The following TMEM232 variants were observed in gnomAD, a reference collection of about 807,000 sequenced individuals.
TMEM232 encodes the protein transmembrane protein 232.
TMEM232 carries 80 observed loss-of-function variants against 78.8 expected under a neutral mutation model. The observed-to-expected ratio is 1.01, with a 90% CI of 0.85 to 1.22. The LOEUF is 1.22. Ranked by LOEUF, TMEM232 falls within the 50% of genes most tolerant of loss-of-function variation. The pLI is 0.00. For synonymous variants in TMEM232, 297 were observed against 254.3 expected, an observed-to-expected ratio of 1.17 and a Z score of -1.60; for missense variants, 881 against 742.2, an observed-to-expected ratio of 1.19 and a Z score of -2.17.
chr5:110,704,622 C>A (rs1236709190), intron 1 of TMEM232, among the ~76,000 whole-genome samples: 1 of 151,938 alleles, frequency 6.6e-6, no homozygotes, highest in East Asian at 1.9e-4. Flanking sequence ...GGAAGTAGGG[C>A]AAACCTTTAT....
chr5:110,445,269 CA>C (rs1227498671), intron 12 of TMEM232, among the ~76,000 whole-genome samples: 2 of 151,724 alleles, frequency 1.3e-5, no homozygotes, highest in African/African-American at 4.8e-5. Flanking sequence ...AATATTTTAA[CA>C]GCTTTGTTGA....
At chr5:110,619,573 G>C (rs960833750) in intron 7 of TMEM232, among the ~76,000 whole-genome samples, 1 of 152,118 alleles carries the variant, frequency 6.6e-6, no homozygotes, top group Non-Finnish European at 1.5e-5. Context: ...ATTCAGTGTT[G>C]ACAGTGTTAG....
chr5:110,701,606 A>G (rs1174994320), intron 1 of TMEM232, among the ~76,000 whole-genome samples: 1 of 152,038 alleles, frequency 6.6e-6, no homozygotes, highest in Admixed American at 6.6e-5. Context: ...TAATTAATTT[A>G]CATATGTTTC....
chr5:110,682,613 G>T lies in TMEM232; in HGVS notation c.-12-15249C>A, dbSNP rs563730007. On this transcript the variant is annotated intron_variant, in intron 1 of 13. Transcript: ENST00000455884. Reference sequence around the variant, plus strand: ...GGCCAAAAAAATGGCTTGATTTCAGGCTTTAATTATATCAGATATGGTTTT... The same window carrying T: ...GGCCAAAAAAATGGCTTGATTTCAGTCTTTAATTATATCAGATATGGTTTT... Among the ~76,000 whole-genome samples, 121 of 152,038 alleles carry T rather than the reference G, an allele frequency of 8.0e-4. 1 individual carries two copies. The highest frequency in any genetic ancestry group is 2.9e-3 in the African/African-American group (119 of 41,494).
chr5:110,478,897 A>ATTTTT (rs746104997), intron 12 of TMEM232, among the ~76,000 whole-genome samples: 10 of 111,768 alleles, frequency 8.9e-5, no homozygotes, highest in Non-Finnish European at 1.7e-4. Flanking sequence ...GGAGAAATTG[A>ATTTTT]TTTTTTTTTT....
chr5:110,622,186 T>C (rs997086704), intron 7 of TMEM232, among the ~76,000 whole-genome samples: 1 of 152,194 alleles, frequency 6.6e-6, no homozygotes, highest in Admixed American at 6.5e-5. Flanking sequence ...TAATTCCTAG[T>C]AACCATTTAC....
chr5:110,417,643 G>A (rs1210518847), downstream of TMEM232: 14 of 103,402 alleles, frequency 1.4e-4, no homozygotes, highest in East Asian at 1.4e-3. Flanking sequence ...TTTTTTGTCC[G>A]GGGTAAAATA....
intron 1 of TMEM232, among the ~76,000 whole-genome samples, chr5:110,721,655 A>ATGTG (rs796424096): frequency 1.0e-5 from 1 of 98,814 alleles, no homozygotes; most frequent in East Asian, 3.6e-4. Context: ...TCTGCATATC[A>ATGTG]TGTGTGTGTG....
chr5:110,695,094 C>T (rs552888174), intron 1 of TMEM232, among the ~76,000 whole-genome samples: 306 of 152,326 alleles, frequency 2.0e-3, no homozygotes, highest in African/African-American at 6.9e-3. Context: ...GAAATTATAA[C>T]AAACTGTCTC....
intron 1 of TMEM232, among the ~76,000 whole-genome samples, chr5:110,669,314 C>T (rs1042217431): frequency 6.6e-6 from 1 of 152,164 alleles, no homozygotes; most frequent in African/African-American, 2.4e-5. Context: ...ACCAATCCCA[C>T]AGAAATACAA....
At chr5:110,665,158 T>C (rs993022632) in intron 2 of TMEM232, among the ~76,000 whole-genome samples, 1 of 152,226 alleles carries the variant, frequency 6.6e-6, no homozygotes. Context: ...AGCAATTTCT[T>C]AAAATTTAAA....
intron 6 of TMEM232, among the ~76,000 whole-genome samples, chr5:110,627,074 T>C (rs1428521747): frequency 1.3e-5 from 2 of 152,080 alleles, no homozygotes; most frequent in Non-Finnish European, 2.9e-5. Context: ...GCTGGGTATA[T>C]ATACCTGAGT....
At chr5:110,531,209 G>T (rs2149537319) in intron 11 of TMEM232, among the ~76,000 whole-genome samples, 1 of 151,602 alleles carries the variant, frequency 6.6e-6, no homozygotes, top group East Asian at 1.9e-4. Flanking sequence ...CTATAAAATG[G>T]CCCCACCCCA....
At chr5:110,524,444 G>GAAAAGAAAAGAAAA (rs1770249708) in intron 12 of TMEM232, among the ~76,000 whole-genome samples, 1 of 146,184 alleles carries the variant, frequency 6.8e-6, no homozygotes, top group South Asian at 2.2e-4. Flanking sequence ...AGAAAAGAAA[G>GAAAAGAAAAGAAAA]GAAAGAAAGA....
chr5:110,406,367 T>A (rs1255526086), intron 2 of TMEM232, among the ~76,000 whole-genome samples: 1 of 151,948 alleles, frequency 6.6e-6, no homozygotes, highest in African/African-American at 2.4e-5. Context: ...TTTAGGTTGA[T>A]TCTGTATCTT....
At chr5:110,459,358 A>G (rs941309582) in intron 12 of TMEM232, among the ~76,000 whole-genome samples, 1 of 152,170 alleles carries the variant, frequency 6.6e-6, no homozygotes, top group African/African-American at 2.4e-5. Context: ...AAAACTTCAA[A>G]GACATATAGC....
At chr5:110,426,613 A>G (rs1757259049) in intron 12 of TMEM232, among the ~76,000 whole-genome samples, 1 of 152,002 alleles carries the variant, frequency 6.6e-6, no homozygotes, top group Admixed American at 6.6e-5. Context: ...GTTACAGGCA[A>G]CCAGGAAAAA....
chr5:110,659,656 ATAT>A (rs928223632), intron 2 of TMEM232, among the ~76,000 whole-genome samples: 5 of 152,206 alleles, frequency 3.3e-5, no homozygotes, highest in African/African-American at 1.2e-4. Context: ...AATCAGACAC[ATAT>A]TATAAAATTA....
intron 1 of TMEM232, among the ~76,000 whole-genome samples, chr5:110,690,724 C>A (rs897696344): frequency 1.3e-5 from 2 of 152,092 alleles, no homozygotes; most frequent in African/African-American, 4.8e-5. Context: ...GGAACCAACC[C>A]AAATACTCAT....
Sources: allele counts gnomAD v4.1 joint callset (sites outside exome capture counted in the v4.1 genomes callset), GRCh38; gene constraint gnomAD v4.1.1; transcripts MANE v1.5; gene names NCBI Gene and HGNC (gene_info 2026-07-23, HGNC 2026-07-21).